APBB2: variants seen among roughly 807,000 people sequenced by gnomAD.
APBB2 encodes amyloid beta precursor protein binding family B member 2, also known as Fe65-like 1.
APBB2 carries 38 observed loss-of-function variants against 82.5 expected under a neutral mutation model. The ratio of observed to expected loss-of-function variants is 0.46; its 90% CI spans 0.36 to 0.60. APBB2 has a LOEUF of 0.60. Among genes scored for constraint, APBB2 ranks in the 20% least tolerant of loss-of-function variants. The pLI is 0.00. For synonymous variants in APBB2, 341 were observed against 368.2 expected, an observed-to-expected ratio of 0.93 and a Z score of 0.85; for missense variants, 772 against 972.3, an observed-to-expected ratio of 0.79 and a Z score of 2.74.
chr4:41,208,603 C>T (rs1778556438), intron 1 of APBB2, among the ~76,000 whole-genome samples: 1 of 152,170 alleles, frequency 6.6e-6, no homozygotes, highest in African/African-American at 2.4e-5. Flanking sequence ...CGACACTCTT[C>T]CTCCCACTCT....
chr4:41,064,814 C>A (rs780569025), intron 4 of APBB2, among the ~76,000 whole-genome samples: 3 of 152,166 alleles, frequency 2.0e-5, no homozygotes, highest in Non-Finnish European at 4.4e-5. Context: ...CTCCCTAATA[C>A]ATATTAAACA....
chr4:40,959,292 G>C (rs1792470798), intron 6 of APBB2, among the ~76,000 whole-genome samples: 1 of 151,914 alleles, frequency 6.6e-6, no homozygotes, highest in Non-Finnish European at 1.5e-5. Flanking sequence ...TCTTTCTTTG[G>C]CTTCCATACA....
At chr4:40,930,420 A>AGTGTGTGT (rs566261600) in intron 10 of APBB2, among the ~76,000 whole-genome samples, 31 of 145,882 alleles carry the variant, frequency 2.1e-4, no homozygotes, top group East Asian at 2.1e-3. Flanking sequence ...TCTTTGGGGA[A>AGTGTGTGT]GTGTGTGTGT....
In APBB2 at chr4:40,826,392, C is replaced by A. The variant is rs1186713816; in HGVS notation, c.1733-422G>T. Among the ~76,000 whole-genome samples the A allele has an allele frequency of 6.7e-6, 1 of 149,950 alleles. No homozygotes were observed. The highest frequency in any genetic ancestry group is 1.5e-5 in the Non-Finnish European group (1 of 67,578). Reference sequence around the variant, plus strand: ...ACCCACGTTTTTTTTTTTTTAGAGACAAGAGTCTCGCTCTGTTGCCCAGGC... The same window carrying A: ...ACCCACGTTTTTTTTTTTTTAGAGAAAAGAGTCTCGCTCTGTTGCCCAGGC... On this transcript the variant is annotated intron_variant, in intron 14 of 17. Transcript: ENST00000508593. This position sits in a 1 kb window ranked among gnomAD's most constrained non-coding sequence, Gnocchi z 4.5.
intron 5 of APBB2, among the ~76,000 whole-genome samples, chr4:41,019,925 A>G (rs1006988699): frequency 6.6e-6 from 1 of 152,038 alleles, no homozygotes; most frequent in African/African-American, 2.4e-5. Flanking sequence ...AGAAGGAGAC[A>G]GAGAGAGGAA....
intron 6 of APBB2, among the ~76,000 whole-genome samples, chr4:40,993,359 CT>C (rs1218897482): frequency 1.4e-4 from 18 of 125,978 alleles, no homozygotes; most frequent in African/African-American, 5.5e-4. Flanking sequence ...GAACTCTTCT[CT>C]CTTTTTTTTT....
At chr4:40,952,889 G>C (rs1031783470) in intron 6 of APBB2, among the ~76,000 whole-genome samples, 2 of 152,184 alleles carry the variant, frequency 1.3e-5, no homozygotes, top group African/African-American at 4.8e-5. Context: ...GGAGCTTGTG[G>C]TTTGTCATAG....
intron 12 of APBB2, among the ~76,000 whole-genome samples, chr4:40,884,385 C>A (rs1769584579): frequency 6.6e-6 from 1 of 152,204 alleles, no homozygotes; most frequent in African/African-American, 2.4e-5. Context: ...AACTCCTCCA[C>A]AAAATTAAGC....
intron 1 of APBB2, among the ~76,000 whole-genome samples, chr4:41,176,989 CAAAA>C (rs3058043): frequency 7.1e-6 from 1 of 140,216 alleles, no homozygotes; most frequent in Admixed American, 7.3e-5. Flanking sequence ...AATAGTGTAC[CAAAA>C]AAAAAAAAAA....
In APBB2 at chr4:40,944,054, C is replaced by T. The variant is rs372402736; in HGVS notation, c.1044+811G>A. Among the ~76,000 whole-genome samples, 255 of 152,378 alleles carry T rather than the reference C, an allele frequency of 1.7e-3. 2 individuals carry two copies. The highest frequency in any genetic ancestry group is 4.1e-3 in the South Asian group (20 of 4,832). On this transcript the variant is annotated intron_variant, in intron 7 of 17. Transcript: ENST00000508593. ...AAGCTTCCACAGTAGTTCTAATGCC[C>T]TCATGCCTCAAGGCAAAAGAAGATG... is the stretch of plus-strand genomic sequence containing the variant.
At chr4:41,089,873 TGATCCTAC>T (rs1027273532) in intron 3 of APBB2, among the ~76,000 whole-genome samples, 8 of 152,216 alleles carry the variant, frequency 5.3e-5, no homozygotes, top group African/African-American at 1.7e-4. Flanking sequence ...AAGCATGTTT[TGATCCTAC>T]GCCCATGTCT....
intron 1 of APBB2, among the ~76,000 whole-genome samples, chr4:41,149,852 C>T (rs1399371076): frequency 2.6e-5 from 4 of 151,734 alleles, no homozygotes; most frequent in Admixed American, 6.6e-5. Flanking sequence ...TTATAAAGAG[C>T]AATTCCCCTG....
chr4:41,147,134 T>C (rs1760999530), intron 1 of APBB2, among the ~76,000 whole-genome samples: 1 of 152,214 alleles, frequency 6.6e-6, no homozygotes. Context: ...ATCAGGGTCT[T>C]GTTGGTATTT....
rs1809266979 is a variant in APBB2, at chr4:41,014,359, C to T, written c.59G>A (p.Ser20Asn). ...GVDTLAVFMA[S>N]SGTTDVTNRN... ...ATTTGTGACGTCTGTAGTTCCGCTG[C>T]TGGCCATAAACACTGCCAAGGTGTC... The change falls in exon 6 of 18, where the codon AGC (serine) becomes AAC (asparagine). Residue 20 changes from serine (S) to asparagine (N), a missense_variant. Physicochemically the swap from Ser to Asn is conservative, Grantham distance 46 (BLOSUM62 1). Transcript: ENST00000508593. 6.2e-7 allele frequency: 1 copy of T among 1,614,066 alleles called. No homozygotes were observed. Among genetic ancestry groups the T allele is most frequent in the Non-Finnish European group, 8.5e-7 (1 of 1,180,024 alleles).
intron 6 of APBB2, among the ~76,000 whole-genome samples, chr4:40,988,735 T>G (rs961348853): frequency 2.8e-5 from 4 of 144,864 alleles, no homozygotes; most frequent in Admixed American, 7.0e-5. Context: ...GAATGATAAA[T>G]AAATAATGAG....
intron 4 of APBB2, 22 bp from the exon 5 acceptor site, chr4:41,033,326 A>G (rs200174851): frequency 6.3e-4 from 908 of 1,442,090 alleles, no homozygotes; most frequent in Non-Finnish European, 8.0e-4. Context: ...GGATCATTTG[A>G]GAAATTAAAA....
chr4:40,888,258 G>A (rs1168238672), intron 12 of APBB2, among the ~76,000 whole-genome samples: 3 of 152,226 alleles, frequency 2.0e-5, no homozygotes, highest in African/African-American at 7.2e-5. Context: ...AGAGAACTGA[G>A]GCTCAGAGAA....
chr4:40,891,951 CTTTT>C (rs565676579), intron 11 of APBB2, among the ~76,000 whole-genome samples: 4 of 132,094 alleles, frequency 3.0e-5, no homozygotes. Flanking sequence ...GGGTTTTGTT[CTTTT>C]TTTTTTTTTT....
intron 2 of APBB2, among the ~76,000 whole-genome samples, chr4:41,105,655 C>T (rs894785760): frequency 6.6e-6 from 1 of 152,006 alleles, no homozygotes; most frequent in Non-Finnish European, 1.5e-5. Flanking sequence ...GAGGCCAAGG[C>T]GGGCAGATCA....
Sources: allele counts gnomAD v4.1 joint callset (sites outside exome capture counted in the v4.1 genomes callset), GRCh38; gene constraint gnomAD v4.1.1; non-coding constraint Gnocchi (gnomAD v3.1); transcripts MANE v1.5; gene names NCBI Gene and HGNC (gene_info 2026-07-23, HGNC 2026-07-21).